SLC24A2: variants seen among roughly 807,000 people sequenced by gnomAD.
The protein encoded by SLC24A2 is sodium/potassium/calcium exchanger 2.
A neutral mutation model predicts 62.0 loss-of-function variants in SLC24A2; 36 were observed. The observed-to-expected ratio is 0.58, with a 90% CI of 0.44 to 0.77. The LOEUF (loss-of-function observed/expected upper bound fraction) is 0.77, where lower values mean the gene tolerates loss of function less well. SLC24A2 is among the 30% of genes least tolerant of loss of function. The pLI is 0.00. For missense variants in SLC24A2, 846 were observed against 817.9 expected, an observed-to-expected ratio of 1.03 and a Z score of -0.42; for synonymous variants, 358 against 294.0, an observed-to-expected ratio of 1.22 and a Z score of -2.23.
the SLC24A2 span, among the ~76,000 whole-genome samples, chr9:20,072,271 T>C: frequency 6.6e-6 from 1 of 152,156 alleles, no homozygotes; most frequent in Non-Finnish European, 1.5e-5. Flanking sequence ...GCAACATTCC[T>C]TCCTCCAGAG....
chr9:20,260,845 C>CTTTTTTTTTTTTATTTTTTT, the SLC24A2 span, among the ~76,000 whole-genome samples: 1 of 110,516 alleles, frequency 9.0e-6, no homozygotes, highest in African/African-American at 3.7e-5. Context: ...ACGTATCATT[C>CTTTTTTTTTTTTATTTTTTT]TTTCTTTTTT....
the SLC24A2 span, among the ~76,000 whole-genome samples, chr9:19,991,012 A>G: frequency 2.4e-5 from 3 of 122,686 alleles, no homozygotes; most frequent in East Asian, 6.6e-4. Flanking sequence ...ATACATATAT[A>G]CATACACACA....
At chr9:20,085,171 A>G in the SLC24A2 span, among the ~76,000 whole-genome samples, 1 of 151,944 alleles carries the variant, frequency 6.6e-6, no homozygotes, top group Non-Finnish European at 1.5e-5. Flanking sequence ...AATTTTTAAA[A>G]ATATTTTTGT....
At chr9:20,208,693 G>T in the SLC24A2 span, among the ~76,000 whole-genome samples, 1 of 152,202 alleles carries the variant, frequency 6.6e-6, no homozygotes. Flanking sequence ...GCCCAGCTAT[G>T]GTTGTTTCCA....
chr9:20,196,014 GT>G, the SLC24A2 span, among the ~76,000 whole-genome samples: 88 of 152,158 alleles, frequency 5.8e-4, no homozygotes, highest in South Asian at 2.1e-3. Flanking sequence ...TACAATATCT[GT>G]TTAATAGCAT....
intron 6 of SLC24A2, among the ~76,000 whole-genome samples, chr9:19,576,662 T>G (rs375868406): frequency 1.3e-5 from 2 of 152,340 alleles, no homozygotes; most frequent in Non-Finnish European, 1.5e-5. Context: ...AGATGACTAG[T>G]TAAGAGATGG....
At chr9:19,801,561 C>T in the SLC24A2 span, among the ~76,000 whole-genome samples, 3 of 152,204 alleles carry the variant, frequency 2.0e-5, no homozygotes, top group African/African-American at 2.4e-5. Flanking sequence ...AGAGGGTAGC[C>T]GCTGCCAGCT....
chr9:19,675,333 C>A (rs968930906), intron 2 of SLC24A2, among the ~76,000 whole-genome samples: 11 of 152,116 alleles, frequency 7.2e-5, no homozygotes, highest in Non-Finnish European at 1.6e-4. Flanking sequence ...ATTGGTTGGC[C>A]TCCTGCCAGG....
chr9:20,183,406 C>T, the SLC24A2 span, among the ~76,000 whole-genome samples: 5 of 152,220 alleles, frequency 3.3e-5, no homozygotes, highest in Non-Finnish European at 7.3e-5. Context: ...GAAACACAGC[C>T]ATGTTCCTTT....
At chr9:20,122,894 T>C in the SLC24A2 span, among the ~76,000 whole-genome samples, 8 of 152,264 alleles carry the variant, frequency 5.3e-5, no homozygotes, top group Admixed American at 5.2e-4. Context: ...AGGACCTAAA[T>C]CTCAGTTCAA....
chr9:19,708,559 T>C (rs1422196127), intron 2 of SLC24A2, among the ~76,000 whole-genome samples: 2 of 152,102 alleles, frequency 1.3e-5, no homozygotes, highest in African/African-American at 2.4e-5. Flanking sequence ...AAAACAGAGA[T>C]ATAGACCAAT....
chr9:20,041,154 G>A, the SLC24A2 span, among the ~76,000 whole-genome samples: 4 of 151,894 alleles, frequency 2.6e-5, no homozygotes, highest in South Asian at 2.1e-4. Flanking sequence ...GTGTGTACGC[G>A]TGCGCGCGTG....
intron 4 of SLC24A2, among the ~76,000 whole-genome samples, chr9:19,610,546 C>T (rs540264262): frequency 7.7e-4 from 118 of 152,296 alleles, no homozygotes; most frequent in African/African-American, 2.8e-3. Flanking sequence ...TGGAAGAACT[C>T]ATCAGGAAGG....
the SLC24A2 span, among the ~76,000 whole-genome samples, chr9:19,924,868 T>C: frequency 6.6e-6 from 1 of 152,198 alleles, no homozygotes; most frequent in Non-Finnish European, 1.5e-5. Flanking sequence ...ATCCTTCAGC[T>C]CATTTGGCTC....
chr9:20,040,416 A>T, the SLC24A2 span, among the ~76,000 whole-genome samples: 1 of 152,222 alleles, frequency 6.6e-6, no homozygotes, highest in Admixed American at 6.5e-5. Flanking sequence ...GGGCTGGTTA[A>T]GATGGAATAA....
chr9:19,708,801 C>G (rs893401254), intron 2 of SLC24A2, among the ~76,000 whole-genome samples: 2 of 152,142 alleles, frequency 1.3e-5, no homozygotes, highest in Non-Finnish European at 2.9e-5. Flanking sequence ...ACCATAAAAA[C>G]CCTAGAAGAA....
chr9:19,648,277 A>G (rs192430663), intron 2 of SLC24A2, among the ~76,000 whole-genome samples: 3 of 152,330 alleles, frequency 2.0e-5, no homozygotes, highest in East Asian at 3.9e-4. Flanking sequence ...ATTCTAATAA[A>G]AAAGGGAAAT....
chr9:19,734,906 C>T (rs1041696842), intron 2 of SLC24A2, among the ~76,000 whole-genome samples: 11 of 151,854 alleles, frequency 7.2e-5, no homozygotes, highest in Non-Finnish European at 1.2e-4. Flanking sequence ...CCATAAAAAC[C>T]CTAGAAGAAA....
chr9:19,969,827 T>A, the SLC24A2 span, among the ~76,000 whole-genome samples: 1 of 152,118 alleles, frequency 6.6e-6, no homozygotes, highest in Non-Finnish European at 1.5e-5. Context: ...TCAAACAAAA[T>A]CCAATTGTTG....
Sources: gnomAD v4.1 joint callset for allele counts (sites outside exome capture counted in the v4.1 genomes callset) on GRCh38, gnomAD v4.1.1 for gene constraint, MANE v1.5 for transcripts, NCBI Gene and HGNC (gene_info 2026-07-23, HGNC 2026-07-21) for gene names.